TMTC1: variants seen among roughly 807,000 people sequenced by gnomAD.
The protein encoded by TMTC1 is transmembrane O-mannosyltransferase targeting cadherins 1.
Under a neutral mutation model 104.8 loss-of-function variants are expected in TMTC1, and 73 were observed. The observed-to-expected ratio is 0.70, with a 90% CI of 0.58 to 0.85. The LOEUF is 0.85. TMTC1 is among the 40% of genes least tolerant of loss of function. The probability of loss-of-function intolerance (pLI) is 0.00; values close to 1 mark genes in which losing one functional copy is unlikely to be tolerated. For missense variants in TMTC1, 1,035 were observed against 1,096.1 expected, an observed-to-expected ratio of 0.94 and a Z score of 0.79; for synonymous variants, 434 against 428.7, an observed-to-expected ratio of 1.01 and a Z score of -0.15.
chr12:29,619,511 T>G (rs1028037466), intron 6 of TMTC1, among the ~76,000 whole-genome samples: 4 of 152,220 alleles, frequency 2.6e-5, no homozygotes, highest in African/African-American at 9.6e-5. Flanking sequence ...AACAAAGGGT[T>G]GCATTTCTAG....
At chr12:29,695,359 T>G (rs1430862762) in intron 5 of TMTC1, among the ~76,000 whole-genome samples, 1 of 151,676 alleles carries the variant, frequency 6.6e-6, no homozygotes, top group African/African-American at 2.4e-5. Context: ...CAGGCTGGAG[T>G]GTGGTGGTGC....
At chr12:29,587,572 T>A (rs1946173124) in intron 7 of TMTC1, among the ~76,000 whole-genome samples, 1 of 152,112 alleles carries the variant, frequency 6.6e-6, no homozygotes, top group South Asian at 2.1e-4. Context: ...GGGCTAAAGA[T>A]CCACCTGCCT....
intron 2 of TMTC1, among the ~76,000 whole-genome samples, chr12:29,759,394 G>T (rs1943292349): frequency 6.6e-6 from 1 of 152,176 alleles, no homozygotes; most frequent in Non-Finnish European, 1.5e-5. Context: ...TTACTCAGGA[G>T]GCTGAGGTGG....
At chr12:29,735,990 C>A (rs866323683) in intron 5 of TMTC1, among the ~76,000 whole-genome samples, 3 of 152,200 alleles carry the variant, frequency 2.0e-5, no homozygotes, top group African/African-American at 7.2e-5. Context: ...GAGATTAAGA[C>A]AAGATGACAC....
At chr12:29,618,630 C>A (rs1947051562) in intron 6 of TMTC1, among the ~76,000 whole-genome samples, 1 of 151,854 alleles carries the variant, frequency 6.6e-6, no homozygotes, top group Admixed American at 6.6e-5. Context: ...TTATAGGCTC[C>A]TTGGGCACTG....
At position 29,644,149 on chromosome 12, in the gene TMTC1, G is replaced by GTATATATA. The variant is rs149004557; in HGVS notation, c.939-10821_939-10814dup. ...TGTGTGTGTGTGTGTGTGTGTGTGT[G>GTATATATA]TATATATATATATAATGAAATACTA... is the stretch of plus-strand genomic sequence containing the variant. On this transcript the variant is annotated intron_variant, in intron 5 of 17. Transcript: ENST00000539277. Among the ~76,000 whole-genome samples the GTATATATA allele has an allele frequency of 1.8e-4, 9 of 49,384 alleles. 1 individual carries two copies. Among genetic ancestry groups the GTATATATA allele is most frequent in the African/African-American group, 6.6e-4 (9 of 13,678 alleles). 32.4% of individuals were successfully genotyped at this position (49,384 alleles called of 152,430 possible). A position where few individuals can be genotyped will look rare whatever the true frequency, so the allele number is the denominator to read the frequency against.
rs1237204904 is a variant in TMTC1 at position 29,506,730 on chromosome 12, C to T, written c.*116G>A. 2.9e-6 allele frequency: 4 copies of T among 1,358,804 alleles called. No homozygotes were observed. The Admixed American group carries it at 7.2e-5, about 24-fold the overall frequency. The allele number at this position is 1,358,804 out of a possible 1,614,324, so 84.2% of individuals were successfully genotyped here. The stretch of plus-strand genomic sequence containing the variant: ...ATGTCCCAAAATGTGTCACCCTGAA[C>T]TCGGAATGAGAGAAAATCTCATTAG... On this transcript the variant is annotated 3_prime_UTR_variant, in exon 18 of 18. Transcript: ENST00000539277.
chr12:29,555,425 T>A (rs1945214520), intron 10 of TMTC1, among the ~76,000 whole-genome samples: 1 of 152,078 alleles, frequency 6.6e-6, no homozygotes, highest in African/African-American at 2.4e-5. Context: ...GCTGCACCCA[T>A]CAACCCGTCA....
At chr12:29,610,286 C>T (rs980062963) in intron 6 of TMTC1, among the ~76,000 whole-genome samples, 1 of 152,164 alleles carries the variant, frequency 6.6e-6, no homozygotes, top group Non-Finnish European at 1.5e-5. Context: ...ACAGTCTTTC[C>T]ATCATGTTTC....
intron 5 of TMTC1, among the ~76,000 whole-genome samples, chr12:29,744,662 A>G (rs1193268396): frequency 6.6e-6 from 1 of 152,210 alleles, no homozygotes; most frequent in Non-Finnish European, 1.5e-5. Context: ...ATCCTTCTCA[A>G]TTAATGGTTA....
intron 5 of TMTC1, among the ~76,000 whole-genome samples, chr12:29,684,179 T>A (rs1249706365): frequency 1.3e-5 from 2 of 152,206 alleles, no homozygotes; most frequent in Non-Finnish European, 2.9e-5. Flanking sequence ...ACTAAACCAG[T>A]GTTGGTGGAA....
In TMTC1 at chr12:29,765,663, T is replaced by C. The variant is rs531834784; in HGVS notation, c.480+2235A>G. ...CATAAATAAAACAGAAAATGATAAA[T>C]AATTAATAAATATAAAAAATCACCT... On this transcript the variant is annotated intron_variant, in intron 2 of 17. Transcript: ENST00000539277. Among the ~76,000 whole-genome samples, 23 of 152,084 alleles carry C rather than the reference T, an allele frequency of 1.5e-4. 1 individual carries two copies. The South Asian group carries it at 3.9e-3, about 26-fold the overall frequency.
intron 14 of TMTC1, 70 bp from the exon 15 acceptor site, chr12:29,516,556 G>T (rs1943993216): frequency 1.3e-6 from 2 of 1,498,312 alleles, no homozygotes; most frequent in Non-Finnish European, 1.8e-6. Context: ...TCCCTGAATA[G>T]AAGCATTCAG....
chr12:29,609,625 A>G (rs1050619145), intron 6 of TMTC1, among the ~76,000 whole-genome samples: 2 of 152,206 alleles, frequency 1.3e-5, no homozygotes, highest in Non-Finnish European at 2.9e-5. Flanking sequence ...GATAATACAG[A>G]CCGCATCTGA....
chr12:29,581,057 T>G (rs1945966159), intron 8 of TMTC1, among the ~76,000 whole-genome samples: 1 of 152,154 alleles, frequency 6.6e-6, no homozygotes, highest in African/African-American at 2.4e-5. Flanking sequence ...CATTGTAAAA[T>G]GAAGAAATTA....
chr12:29,587,850 A>C (rs1946180847), intron 7 of TMTC1, among the ~76,000 whole-genome samples: 1 of 152,178 alleles, frequency 6.6e-6, no homozygotes, highest in East Asian at 1.9e-4. Flanking sequence ...ACAATCAGAC[A>C]ACTCCAGTCT....
At chr12:29,601,750 CAG>C (rs1404180342) in intron 7 of TMTC1, among the ~76,000 whole-genome samples, 1 of 151,926 alleles carries the variant, frequency 6.6e-6, no homozygotes, top group African/African-American at 2.4e-5. Flanking sequence ...TCAGCTACCT[CAG>C]GGAACTGATA....
At chr12:29,545,359 G>A (rs1944910428) in intron 10 of TMTC1, among the ~76,000 whole-genome samples, 1 of 152,124 alleles carries the variant, frequency 6.6e-6, no homozygotes, top group Non-Finnish European at 1.5e-5. Context: ...AGAGATGGAG[G>A]CCGGGCACAA....
intron 7 of TMTC1, among the ~76,000 whole-genome samples, chr12:29,593,642 A>G (rs1352279220): frequency 6.6e-6 from 1 of 152,240 alleles, no homozygotes; most frequent in Admixed American, 6.5e-5. Flanking sequence ...GACACAAACA[A>G]GCGCTTAAGC....
Sources: gnomAD v4.1 joint callset for allele counts (sites outside exome capture counted in the v4.1 genomes callset) on GRCh38, gnomAD v4.1.1 for gene constraint, MANE v1.5 for transcripts, NCBI Gene and HGNC (gene_info 2026-07-23, HGNC 2026-07-21) for gene names.